NLRP11: variants seen among roughly 807,000 people sequenced by gnomAD.
NLRP11 encodes the protein NACHT, LRR and PYD domains-containing protein 11.
Under a neutral mutation model 79.3 loss-of-function variants are expected in NLRP11, and 53 were observed. The ratio of observed to expected loss-of-function variants is 0.67; its 90% CI spans 0.54 to 0.84. The LOEUF (loss-of-function observed/expected upper bound fraction) is 0.84. Ranked by LOEUF, NLRP11 falls within the 40% of genes least tolerant of loss-of-function variation. NLRP11 has a pLI of 0.00. For synonymous variants in NLRP11, 518 were observed against 462.6 expected (o/e 1.12, Z -1.54); for missense variants, 1,264 against 1,255.0 (o/e 1.01, Z -0.11).
At chr19:55,794,838 TCAAA>T (rs1178913790) in intron 6 of NLRP11, among the ~76,000 whole-genome samples, 1 of 152,098 alleles carries the variant, frequency 6.6e-6, no homozygotes, top group Non-Finnish European at 1.5e-5. Context: ...TATCCTGCAA[TCAAA>T]CAAGTATTTT....
intron 1 of NLRP11, among the ~76,000 whole-genome samples, chr19:55,829,439 C>G (rs964969581): frequency 5.3e-5 from 8 of 151,886 alleles, no homozygotes; most frequent in African/African-American, 1.9e-4. Context: ...CCGAGGAGGG[C>G]AGATCACGAG....
chr19:55,785,800 A>C, exon 10 of NLRP11: 1 of 1,614,182 alleles, frequency 6.2e-7, no homozygotes, highest in South Asian at 1.1e-5. Flanking sequence ...CAGAAAGATC[A>C]AACTGGGTTT....
intron 3 of NLRP11, among the ~76,000 whole-genome samples, chr19:55,808,356 C>G (rs915492330): frequency 6.6e-6 from 1 of 152,142 alleles, no homozygotes; most frequent in Non-Finnish European, 1.5e-5. Context: ...TCTTTTTAAT[C>G]TATACAACAG....
upstream of NLRP11, among the ~76,000 whole-genome samples, chr19:55,832,492 C>CG (rs1313414802): frequency 6.6e-6 from 1 of 152,162 alleles, no homozygotes; most frequent in Non-Finnish European, 1.5e-5. Flanking sequence ...ATCCTCCACC[C>CG]GGGGGGCCCG....
intron 1 of NLRP11, among the ~76,000 whole-genome samples, chr19:55,830,080 A>C (rs1249900403): frequency 6.6e-6 from 1 of 152,228 alleles, no homozygotes; most frequent in East Asian, 1.9e-4. Context: ...ATAAGTGGAC[A>C]CATGCAGCTC....
At chr19:55,786,304 A>C (rs1398781710) in intron 9 of NLRP11, among the ~76,000 whole-genome samples, 1 of 152,156 alleles carries the variant, frequency 6.6e-6, no homozygotes, top group African/African-American at 2.4e-5. Flanking sequence ...CAGGCAGATC[A>C]CTTGAGCTCA....
rs1046640714 is a variant in NLRP11 at position 55,809,649 on chromosome 19, C to T, written c.961G>A (p.Ala321Thr). The T allele has an allele frequency of 3.7e-6, 6 of 1,614,056 alleles. No individual in the cohort carries two copies. Among genetic ancestry groups the T allele is most frequent in the Non-Finnish European group, 5.1e-6 (6 of 1,180,024 alleles). Residue 321 changes from alanine (A) to threonine (T), a missense_variant, in exon 3 of 10, where the codon GCA (alanine) becomes ACA (threonine). Coordinates refer to ENST00000589093, the Ensembl canonical transcript of NLRP11. This position sits in a 1 kb window ranked among gnomAD's most constrained non-coding sequence, Gnocchi z 4.5. ...TCCTCATGTACAAGCTGGAGGGCTG[C>T]CGACGCCCTCTGGCGGTCTTTAAAG... is the stretch of plus-strand genomic sequence containing the variant.
chr19:55,818,836 A>G (rs1418318162), intron 1 of NLRP11, among the ~76,000 whole-genome samples: 1 of 152,138 alleles, frequency 6.6e-6, no homozygotes, highest in Non-Finnish European at 1.5e-5. Flanking sequence ...AAATGAGCCA[A>G]AGACAGCCCC....
At chr19:55,794,636 T>C (rs973011074) in intron 6 of NLRP11, among the ~76,000 whole-genome samples, 1 of 151,992 alleles carries the variant, frequency 6.6e-6, no homozygotes, top group Admixed American at 6.6e-5. Context: ...GGCGGGTGCC[T>C]GTGGTCCCAG....
chr19:55,822,842 G>T (rs899384535), intron 1 of NLRP11, among the ~76,000 whole-genome samples: 2 of 152,214 alleles, frequency 1.3e-5, no homozygotes, highest in East Asian at 1.9e-4. Flanking sequence ...GGGGAGGGGC[G>T]CCCGCCATTG....
At chr19:55,802,693 C>A (rs1979599536) in intron 4 of NLRP11, among the ~76,000 whole-genome samples, 1 of 152,066 alleles carries the variant, frequency 6.6e-6, no homozygotes, top group South Asian at 2.1e-4. Flanking sequence ...AAAAAGAGCC[C>A]CAATACCCAA....
chr19:55,817,351 T>C (rs1028366670), intron 2 of NLRP11, among the ~76,000 whole-genome samples: 1 of 152,018 alleles, frequency 6.6e-6, no homozygotes, highest in Non-Finnish European at 1.5e-5. Flanking sequence ...AACAAGTCAT[T>C]ATACAAAAAC....
intron 4 of NLRP11, among the ~76,000 whole-genome samples, chr19:55,805,401 GGT>G (rs1979892057): frequency 1.3e-5 from 2 of 151,842 alleles, no homozygotes; most frequent in Non-Finnish European, 2.9e-5. Flanking sequence ...GTGGCGACTC[GGT>G]GGGAGACTGG....
At chr19:55,795,036 A>C (rs299190) in intron 6 of NLRP11, among the ~76,000 whole-genome samples, 1 of 151,980 alleles carries the variant, frequency 6.6e-6, no homozygotes, top group African/African-American at 2.4e-5. Flanking sequence ...ACGGGGAATC[A>C]TGTCCTTAAA....
exon 3 of NLRP11, chr19:55,808,873 C>T (rs1980274334): frequency 2.5e-6 from 4 of 1,613,934 alleles, no homozygotes; most frequent in Non-Finnish European, 3.4e-6. Flanking sequence ...ATAATGAGAC[C>T]ATCATATCCT....
intron 2 of NLRP11, among the ~76,000 whole-genome samples, chr19:55,812,634 A>C (rs968808564): frequency 2.6e-5 from 4 of 152,160 alleles, no homozygotes; most frequent in Non-Finnish European, 5.9e-5. Flanking sequence ...AGCCTTGTGC[A>C]CGGTGTGTGG....
upstream of NLRP11, among the ~76,000 whole-genome samples, chr19:55,835,122 C>A (rs983845559): frequency 6.6e-6 from 1 of 152,076 alleles, no homozygotes; most frequent in Admixed American, 6.6e-5. Context: ...TTAAAGTTCT[C>A]ATTATGTTTC....
chr19:55,822,537 C>T (rs889341423), intron 1 of NLRP11, among the ~76,000 whole-genome samples: 4 of 151,792 alleles, frequency 2.6e-5, no homozygotes, highest in Admixed American at 6.6e-5. Context: ...AGACAGTGGG[C>T]GCAGGTCAGT....
intron 5 of NLRP11, among the ~76,000 whole-genome samples, chr19:55,797,135 G>A (rs1978996347): frequency 6.6e-6 from 1 of 151,900 alleles, no homozygotes; most frequent in South Asian, 2.1e-4. Context: ...TTTAAAAAAA[G>A]TTTTTTTCCT....
Sources: allele counts gnomAD v4.1 joint callset (sites outside exome capture counted in the v4.1 genomes callset), GRCh38; gene constraint gnomAD v4.1.1; non-coding constraint Gnocchi (gnomAD v3.1); transcripts MANE v1.5; gene names NCBI Gene and HGNC (gene_info 2026-07-23, HGNC 2026-07-21).